Variants in SLC38A6 observed in about 807,000 individuals in gnomAD.
SLC38A6 encodes solute carrier family 38 member 6, also known as N system amino acid transporter NAT-1.
SLC38A6 carries 73 observed loss-of-function variants against 65.0 expected under a neutral mutation model. The observed-to-expected ratio is 1.12, with a 90% CI of 0.93 to 1.37. The LOEUF (loss-of-function observed/expected upper bound fraction) is 1.37. SLC38A6 is among the 40% of genes most tolerant of loss of function. The probability of loss-of-function intolerance (pLI) is 0.00; values close to 1 mark genes in which losing one functional copy is unlikely to be tolerated. For missense variants in SLC38A6, 561 were observed against 531.1 expected (o/e 1.06, Z -0.55); for synonymous variants, 183 against 178.8 (o/e 1.02, Z -0.19).
At chr14:61,024,415 C>T (rs898197630) in intron 5 of SLC38A6, among the ~76,000 whole-genome samples, 1 of 152,180 alleles carries the variant, frequency 6.6e-6, no homozygotes, top group African/African-American at 2.4e-5. Flanking sequence ...CAGCCCATTT[C>T]CTCAGGTGCT....
intron 3 of SLC38A6, among the ~76,000 whole-genome samples, chr14:60,989,391 A>G (rs143276380): frequency 6.6e-6 from 1 of 152,248 alleles, no homozygotes; most frequent in East Asian, 1.9e-4. Flanking sequence ...CATCTTTTGA[A>G]TATGCCTCAT....
intron 5 of SLC38A6, among the ~76,000 whole-genome samples, chr14:61,024,561 A>T (rs1268730214): frequency 2.0e-5 from 3 of 152,220 alleles, no homozygotes; most frequent in Non-Finnish European, 4.4e-5. Context: ...CTAACTAAAG[A>T]TAAAAGATTA....
intron 15 of SLC38A6, among the ~76,000 whole-genome samples, chr14:61,077,433 CTAAA>C (rs2043461972): frequency 6.6e-6 from 1 of 152,132 alleles, no homozygotes; most frequent in African/African-American, 2.4e-5. Flanking sequence ...CGAAAAATAT[CTAAA>C]TAAGTTCTGG....
intron 15 of SLC38A6, among the ~76,000 whole-genome samples, chr14:61,065,069 G>T (rs1203146581): frequency 6.6e-6 from 1 of 152,120 alleles, no homozygotes; most frequent in Non-Finnish European, 1.5e-5. Flanking sequence ...TTGATTTACT[G>T]TGTGAAGGCC....
At chr14:61,006,123 A>G (rs1353177470) in intron 3 of SLC38A6, among the ~76,000 whole-genome samples, 1 of 152,214 alleles carries the variant, frequency 6.6e-6, no homozygotes, top group Non-Finnish European at 1.5e-5. Flanking sequence ...CTGGCTAGCC[A>G]TATGTAGAAA....
chr14:60,993,938 A>G (rs2038088881), intron 3 of SLC38A6, among the ~76,000 whole-genome samples: 1 of 152,242 alleles, frequency 6.6e-6, no homozygotes, highest in Non-Finnish European at 1.5e-5. Flanking sequence ...ACAATACCAA[A>G]TACTGGCGAG....
chr14:61,046,033 C>T, intron 11 of SLC38A6, 34 bp from the exon 12 acceptor site: 2 of 1,311,602 alleles, frequency 1.5e-6, no homozygotes, highest in East Asian at 2.3e-5. Flanking sequence ...TAATTCAGAT[C>T]ACTTATTCTA....
Position 61,043,486 on chromosome 14 carries a change from T to C in SLC38A6, c.727T>C (p.Phe243Leu). Residue 243 changes from phenylalanine to leucine, a missense_variant, in exon 10 of 16, where the codon TTT becomes CTT. Physicochemically the swap from Phe to Leu is conservative, Grantham distance 22. Transcript: ENST00000267488. The stretch of plus-strand genomic sequence containing the variant: ...TACAGATGATTGTAAGCCAAAGCTC[T>C]TTCATTTCTCCAAAGAGGTGTGTAA... Reference protein sequence around the residue: ...NVTDDCKPKLFHFSKESAYAL... With the variant: ...NVTDDCKPKLLHFSKESAYAL... 1 of 1,608,606 alleles carries C rather than the reference T, an allele frequency of 6.2e-7. No homozygotes were observed. The highest frequency in any genetic ancestry group is 8.5e-7 in the Non-Finnish European group (1 of 1,177,756).
In SLC38A6 at chr14:60,984,950, A is replaced by G. The variant is rs983391297; in HGVS notation, c.310+147A>G. The G allele has an allele frequency of 9.8e-5, 73 of 743,612 alleles. 2 individuals are homozygous for G. The South Asian group carries it at 1.2e-3, about 13-fold the overall frequency. 46.1% of individuals were successfully genotyped at this position (743,612 alleles called of 1,614,324 possible). A position where few individuals can be genotyped will look rare whatever the true frequency, so the allele number is the denominator to read the frequency against. On this transcript the variant is annotated intron_variant, in intron 3 of 15. Coordinates refer to ENST00000267488, the MANE Select transcript of SLC38A6 (RefSeq NM_153811.3). The stretch of plus-strand genomic sequence containing the variant: ...ATCGGAATGGAGAATTTGAAAAACC[A>G]GGATATACAGACCCAATACTGTGGG...
At chr14:61,052,943 T>A (rs1314830651), downstream of SLC38A6, 2 of 152,746 alleles carry the variant, frequency 1.3e-5, no homozygotes, top group Admixed American at 1.3e-4. Context: ...ATAGGTAAAC[T>A]CGTGTCACGG....
chr14:61,005,220 A>G (rs967515099), intron 3 of SLC38A6, among the ~76,000 whole-genome samples: 5 of 151,946 alleles, frequency 3.3e-5, no homozygotes, highest in African/African-American at 1.2e-4. Context: ...CCCACAGCCA[A>G]TATCATACTG....
At chr14:61,028,862 C>T (rs1443569657) in intron 5 of SLC38A6, among the ~76,000 whole-genome samples, 1 of 152,110 alleles carries the variant, frequency 6.6e-6, no homozygotes, top group Non-Finnish European at 1.5e-5. Context: ...TTATCTATCT[C>T]CATACAAATT....
At chr14:61,012,668 T>C (rs1157894079) in intron 3 of SLC38A6, among the ~76,000 whole-genome samples, 1 of 152,198 alleles carries the variant, frequency 6.6e-6, no homozygotes, top group Non-Finnish European at 1.5e-5. Context: ...GAGCAGGTTG[T>C]TCAGTTGCCA....
intron 5 of SLC38A6, among the ~76,000 whole-genome samples, chr14:61,025,658 A>G (rs1159024859): frequency 6.6e-6 from 1 of 152,156 alleles, no homozygotes; most frequent in Non-Finnish European, 1.5e-5. Flanking sequence ...TATTTTGGTC[A>G]TTTTTTAATC....
At chr14:61,034,303 T>C (rs890742590) in intron 6 of SLC38A6, 1 of 152,194 alleles carries the variant, frequency 6.6e-6, no homozygotes, top group African/African-American at 2.4e-5. Context: ...TGTACAACTT[T>C]AGCTTCGTGA....
At chr14:61,041,141 T>C (rs1281370358) in intron 8 of SLC38A6, among the ~76,000 whole-genome samples, 2 of 152,162 alleles carry the variant, frequency 1.3e-5, no homozygotes, top group African/African-American at 2.4e-5. Context: ...ACAAATATTT[T>C]TAATACTTAG....
chr14:61,069,933 C>T (rs1177886501), intron 15 of SLC38A6, among the ~76,000 whole-genome samples: 4 of 152,092 alleles, frequency 2.6e-5, no homozygotes, highest in African/African-American at 7.2e-5. Context: ...AGAGAATACA[C>T]AAACACAAGG....
At chr14:61,054,514 TG>T (rs2042639874), downstream of SLC38A6, among the ~76,000 whole-genome samples, 2 of 152,370 alleles carry the variant, frequency 1.3e-5, no homozygotes, top group Non-Finnish European at 2.9e-5. Flanking sequence ...GAGCATGGAA[TG>T]TTTTTTCATT....
At chr14:61,033,210 C>T in intron 6 of SLC38A6, among the ~76,000 whole-genome samples, 1 of 151,906 alleles carries the variant, frequency 6.6e-6, no homozygotes. Context: ...TAATTCAGAA[C>T]ATATGATACT....
Sources: gnomAD v4.1 joint callset for allele counts (sites outside exome capture counted in the v4.1 genomes callset) on GRCh38, gnomAD v4.1.1 for gene constraint, MANE v1.5 for transcripts, NCBI Gene and HGNC (gene_info 2026-07-23, HGNC 2026-07-21) for gene names.